GXYLT1: variants seen among roughly 807,000 people sequenced by gnomAD.
GXYLT1 encodes the protein glucoside xylosyltransferase 1.
In GXYLT1, 29 loss-of-function variants were observed where a neutral mutation model predicts 54.0. The observed-to-expected ratio is 0.54, with a 90% CI of 0.40 to 0.73. The LOEUF is 0.73. Among genes scored for constraint, GXYLT1 ranks in the 30% least tolerant of loss-of-function variants. GXYLT1 has a pLI of 0.00. For missense variants in GXYLT1, 490 were observed against 553.4 expected (o/e 0.89, Z 1.15); for synonymous variants, 176 against 204.1 (o/e 0.86, Z 1.17).
intron 3 of GXYLT1, among the ~76,000 whole-genome samples, chr12:42,114,540 T>C (rs1051444568): frequency 6.6e-6 from 1 of 152,132 alleles, no homozygotes. Context: ...AAGAAATGGA[T>C]AAATTCCTCG....
At chr12:42,115,519 T>A (rs2065488674) in intron 3 of GXYLT1, among the ~76,000 whole-genome samples, 1 of 152,116 alleles carries the variant, frequency 6.6e-6, no homozygotes, top group Admixed American at 6.6e-5. Flanking sequence ...ATGAGTGAAC[T>A]CTCATTCACA....
intron 1 of GXYLT1, among the ~76,000 whole-genome samples, chr12:42,130,853 G>C (rs986891720): frequency 2.0e-5 from 3 of 152,128 alleles, no homozygotes; most frequent in Non-Finnish European, 2.9e-5. Flanking sequence ...AGGCTGTGGT[G>C]GGAGGATGGC....
intron 2 of GXYLT1, among the ~76,000 whole-genome samples, chr12:42,129,113 C>A (rs1471062778): frequency 6.6e-6 from 1 of 152,146 alleles, no homozygotes; most frequent in Admixed American, 6.5e-5. Context: ...GAGTCACTGC[C>A]TTATCGTATT....
rs1051924786 is a variant in GXYLT1 at position 42,105,748 on chromosome 12, T to C, written c.864+70A>G. ...AGTTCAATTTAGTTTTTAATAAAAT[T>C]TAGTTTTATTAAAAACAATTTAGAA... On this transcript the variant is annotated intron_variant, in intron 5 of 7. Transcript: ENST00000398675. 15 of 1,191,024 alleles carry C rather than the reference T, an allele frequency of 1.3e-5. No homozygotes were observed. The East Asian group carries it at 3.8e-4, about 30-fold the overall frequency. The allele number at this position is 1,191,024 out of a possible 1,614,324, so 73.8% of individuals were successfully genotyped here.
intron 4 of GXYLT1, among the ~76,000 whole-genome samples, chr12:42,106,849 C>A (rs2065424536): frequency 6.7e-6 from 1 of 149,276 alleles, no homozygotes; most frequent in South Asian, 2.1e-4. Flanking sequence ...GGGTTCTAGG[C>A]ATTCTCCTGC....
intron 4 of GXYLT1, among the ~76,000 whole-genome samples, chr12:42,107,416 C>A (rs1166454443): frequency 1.3e-5 from 2 of 152,136 alleles, no homozygotes; most frequent in Non-Finnish European, 2.9e-5. Flanking sequence ...TGTGGCCAGG[C>A]ATGGTGGCTC....
At chr12:42,105,696 A>G (rs942053335) in intron 5 of GXYLT1, 122 bp downstream of exon 5, 7 of 658,578 alleles carry the variant, frequency 1.1e-5, no homozygotes, top group Non-Finnish European at 1.5e-5. Flanking sequence ...TTCTAATGAG[A>G]TTATTCTAAA....
At chr12:42,093,390 T>G (rs2065339303) in intron 7 of GXYLT1, among the ~76,000 whole-genome samples, 1 of 152,136 alleles carries the variant, frequency 6.6e-6, no homozygotes, top group South Asian at 2.1e-4. Context: ...CGTGAGCCAC[T>G]GTGCCCGGCC....
chr12:42,102,922 A>T (rs1011831938), intron 5 of GXYLT1, among the ~76,000 whole-genome samples: 1 of 151,898 alleles, frequency 6.6e-6, no homozygotes, highest in Non-Finnish European at 1.5e-5. Context: ...TATTTCATTA[A>T]ATTAAATTAT....
rs1407169570 is a variant in GXYLT1, at chr12:42,083,949, C to G, written c.*3837G>C. The G allele has an allele frequency of 6.6e-6, 1 of 151,832 alleles. No homozygotes were observed. The highest frequency in any genetic ancestry group is 1.5e-5 in the Non-Finnish European group (1 of 68,010). 9.4% of individuals were successfully genotyped at this position (151,832 alleles called of 1,614,324 possible). ...AAAAAGGAAGATACTTGTATTTCCACAGGTCCTAGCTCACAAACTGGGATC... is the reference window on the plus strand; with the variant it reads ...AAAAAGGAAGATACTTGTATTTCCAGAGGTCCTAGCTCACAAACTGGGATC... On this transcript the variant is annotated 3_prime_UTR_variant, in exon 8 of 8. Transcript: ENST00000398675.
intron 3 of GXYLT1, among the ~76,000 whole-genome samples, chr12:42,116,260 A>C (rs1374526789): frequency 2.0e-5 from 3 of 152,156 alleles, no homozygotes; most frequent in Non-Finnish European, 4.4e-5. Context: ...CAATGGCAAC[A>C]AAAGCCAAAA....
chr12:42,115,787 T>C (rs1484421464), intron 3 of GXYLT1, among the ~76,000 whole-genome samples: 2 of 151,452 alleles, frequency 1.3e-5, no homozygotes, highest in Admixed American at 6.6e-5. Context: ...TACTTTAAAG[T>C]TCATATGGAA....
In GXYLT1 at chr12:42,087,881, C is replaced by T. The variant is rs775421859; in HGVS notation, c.1228G>A (p.Val410Met). ...TAAATTTTTCCACAGTATGTATGCA[C>T]TGTTTTTTGTAGTTCCAGTTCTAAA... ...KPLELELQKT[V>M]HTYCGKIYKI... The change falls in exon 8 of 8, where the codon GTG becomes ATG. Residue 410 changes from valine to methionine, a missense_variant. Physicochemically the swap from Val to Met is conservative, Grantham distance 21 (BLOSUM62 1). Transcript: ENST00000398675. 5 of 1,595,354 alleles carry T rather than the reference C, an allele frequency of 3.1e-6. No individual in the cohort carries two copies. The East Asian group carries it at 6.8e-5, about 22-fold the overall frequency.
chr12:42,115,269 A>T (rs1262215415), intron 3 of GXYLT1, among the ~76,000 whole-genome samples: 6 of 152,312 alleles, frequency 3.9e-5, no homozygotes, highest in Admixed American at 6.5e-5. Context: ...TAGTGTTGGA[A>T]GTTCTGGCCA....
rs370749394 is a variant in GXYLT1 at position 42,084,439 on chromosome 12, T to G, written c.*3347A>C. ...CAGAAAACATTCAGCCTGAGTAAAC[T>G]GAACGCTCTGTACAGAAAACAACGA... On this transcript the variant is annotated 3_prime_UTR_variant, in exon 8 of 8. Coordinates refer to ENST00000398675, the MANE Select transcript of GXYLT1 (RefSeq NM_173601.2). The G allele has an allele frequency of 2.0e-5, 3 of 152,454 alleles. No individual in the cohort carries two copies. The highest frequency in any genetic ancestry group is 3.9e-4 in the East Asian group (2 of 5,188). 9.4% of individuals were successfully genotyped at this position (152,454 alleles called of 1,614,324 possible).
At chr12:42,092,511 G>A (rs985029634) in intron 7 of GXYLT1, among the ~76,000 whole-genome samples, 2 of 151,924 alleles carry the variant, frequency 1.3e-5, no homozygotes, top group African/African-American at 2.4e-5. Flanking sequence ...TCCACCTAGA[G>A]GTATATGAAG....
intron 3 of GXYLT1, among the ~76,000 whole-genome samples, chr12:42,112,725 T>C (rs997414818): frequency 1.3e-5 from 2 of 151,996 alleles, no homozygotes; most frequent in Non-Finnish European, 2.9e-5. Flanking sequence ...CTGCAGGATA[T>C]TATCCAGCAG....
In GXYLT1 at chr12:42,144,714, G is replaced by A. The variant is rs964547606; in HGVS notation, c.-68C>T. 11 of 1,187,552 alleles carry A rather than the reference G, an allele frequency of 9.3e-6. No homozygotes were observed. The highest frequency in any genetic ancestry group is 1.2e-5 in the Non-Finnish European group (11 of 914,724). The allele number at this position is 1,187,552 out of a possible 1,614,324, so 73.6% of individuals were successfully genotyped here. A position where few individuals can be genotyped will look rare whatever the true frequency, so the allele number is the denominator to read the frequency against. The stretch of plus-strand genomic sequence containing the variant: ...CCCCGACGAACTGGAGCGGAGGGAG[G>A]GGCACCGCGCAGCCGCGGGCGCAAC... On this transcript the variant is annotated 5_prime_UTR_variant, in exon 1 of 8. Transcript: ENST00000398675.
At chr12:42,144,016 A>G (rs1263561939) in intron 1 of GXYLT1, among the ~76,000 whole-genome samples, 1 of 152,168 alleles carries the variant, frequency 6.6e-6, no homozygotes. Flanking sequence ...ACACACACAC[A>G]CAATCCTTAA....
Sources: gnomAD v4.1 joint callset for allele counts (sites outside exome capture counted in the v4.1 genomes callset) on GRCh38, gnomAD v4.1.1 for gene constraint, MANE v1.5 for transcripts, NCBI Gene and HGNC (gene_info 2026-07-23, HGNC 2026-07-21) for gene names.